The following FBXL16 variants were observed in gnomAD, a reference collection of about 807,000 sequenced individuals.
FBXL16 encodes F-box/LRR-repeat protein 16.
Under a neutral mutation model 36.7 loss-of-function variants are expected in FBXL16, and 7 were observed. The ratio of observed to expected loss-of-function variants is 0.19; its 90% CI spans 0.11 to 0.36. The LOEUF is 0.36. Ranked by LOEUF, FBXL16 falls within the 10% of genes least tolerant of loss-of-function variation. The pLI, the probability that FBXL16 is intolerant of heterozygous loss-of-function variation, is 1.00. For missense variants in FBXL16, 463 were observed against 659.4 expected (o/e 0.70, Z 3.26); for synonymous variants, 355 against 308.7 (o/e 1.15, Z -1.57).
chr16:695,867 G>A lies in FBXL16; in HGVS notation c.690C>T (p.Asp230=). ...TGGACCACAGCCCGGCCTCGGTGAA[G>A]TCGTTGCAGCCCGACAGCTCCAGAC... ...VVRLELSGCN[D]FTEAGLWSSL... is the part of the protein sequence containing the mutation. Residue 230 remains aspartate, a synonymous_variant, in exon 3 of 6, where the codon GAC becomes GAT. Coordinates refer to ENST00000397621, the MANE Select transcript of FBXL16 (RefSeq NM_153350.4). The A allele has an allele frequency of 1.2e-6, 2 of 1,603,084 alleles. No homozygotes were observed. Among genetic ancestry groups the A allele is most frequent in the South Asian group, 2.2e-5 (2 of 90,830 alleles).
chr16:703,636 G>A (rs549852435), intron 1 of FBXL16, among the ~76,000 whole-genome samples: 8 of 152,352 alleles, frequency 5.3e-5, no homozygotes, highest in Admixed American at 1.3e-4. Context: ...CACTTGGCAC[G>A]TGGCACAGCG....
Position 696,775 on chromosome 16 carries a change from CG to C in FBXL16, c.630del (p.Glu211ArgfsTer30). 1 of 1,350,606 alleles carries C rather than the reference CG, an allele frequency of 7.4e-7. No individual in the cohort carries two copies. Among genetic ancestry groups the C allele is most frequent in the Non-Finnish European group, 9.7e-7 (1 of 1,031,928 alleles). 83.7% of individuals were successfully genotyped at this position (1,350,606 alleles called of 1,614,324 possible). A position where few individuals can be genotyped will look rare whatever the true frequency, so the allele number is the denominator to read the frequency against. ...TCCCCCCCGAGCCTGGTGCACACCT[CG>C]AGGCCTGCGTCCGTGATGGTGGAGC... Reference protein sequence around the residue: ...LKRSTITDAGLEVMLEQMQGV... With the variant: ...LKRSTITDAGXEVMLEQMQGV... On this transcript the variant is annotated frameshift_variant, in exon 2 of 6. Coordinates refer to ENST00000397621, the MANE Select transcript of FBXL16 (RefSeq NM_153350.4). LOFTEE classifies it high-confidence loss of function.
chr16:697,097 A>G lies in FBXL16; in HGVS notation c.309T>C (p.Asn103=), dbSNP rs937734302. The G allele has an allele frequency of 1.9e-6, 3 of 1,608,130 alleles. No individual in the cohort carries two copies. Among genetic ancestry groups the G allele is most frequent in the Middle Eastern group, 1.7e-4 (1 of 6,044 alleles). ...PPLATDEKIL[N]GLFWYFSACE... is the part of the protein sequence containing the mutation. ...AGGCCGAGAAATACCAGAAGAGCCC[A>G]TTGAGGATCTTCTCGTCCGTGGCCA... The change falls in exon 2 of 6, where the codon AAT becomes AAC. Residue 103 remains asparagine, a synonymous_variant. Coordinates refer to ENST00000397621, the MANE Select transcript of FBXL16 (RefSeq NM_153350.4). The surrounding 1 kb of genome is among the most constrained non-coding windows in gnomAD (Gnocchi z 4.6).
chr16:701,129 C>T (rs776616909), intron 1 of FBXL16, among the ~76,000 whole-genome samples: 20 of 152,224 alleles, frequency 1.3e-4, no homozygotes, highest in Non-Finnish European at 2.5e-4. Context: ...CCGGCGCCCA[C>T]AGTCCCGTCC....
At chr16:696,066 GC>G in intron 2 of FBXL16, 143 bp from the exon 3 acceptor site, 1 of 1,265,054 alleles carries the variant, frequency 7.9e-7, no homozygotes, top group Non-Finnish European at 1.1e-6. Flanking sequence ...CGGGACGAGA[GC>G]CCAGGGCCTG....
chr16:694,788 C>G (rs975413366), intron 4 of FBXL16, 91 bp from the exon 5 acceptor site: 2 of 1,415,042 alleles, frequency 1.4e-6, no homozygotes, highest in Admixed American at 4.0e-5. Flanking sequence ...CGGGTTCAAG[C>G]CCGGGGTTCC....
chr16:697,510 T>C lies in FBXL16; in HGVS notation c.-14-91A>G, dbSNP rs2040023454. 7.0e-7 allele frequency: 1 copy of C among 1,430,586 alleles called. No individual in the cohort carries two copies. Among genetic ancestry groups the C allele is most frequent in the Non-Finnish European group, 9.2e-7 (1 of 1,086,726 alleles). The allele number at this position is 1,430,586 out of a possible 1,614,324, so 88.6% of individuals were successfully genotyped here. A position where few individuals can be genotyped will look rare whatever the true frequency, so the allele number is the denominator to read the frequency against. ...GGGTGCAGTGGGGCTCCTTCCCTCC[T>C]TGGGCGTCCCTATGGTGCTCCCAGA... On this transcript the variant is annotated intron_variant, in intron 1 of 5. Transcript: ENST00000397621. The surrounding 1 kb of genome is among the most constrained non-coding windows in gnomAD (Gnocchi z 4.6).
intron 1 of FBXL16, among the ~76,000 whole-genome samples, chr16:701,471 G>A (rs1158602797): frequency 1.3e-5 from 2 of 152,210 alleles, no homozygotes; most frequent in African/African-American, 4.8e-5. Flanking sequence ...AATGCAAACA[G>A]CCACACACTT....
At chr16:704,528 A>C (rs1462886292) in intron 1 of FBXL16, among the ~76,000 whole-genome samples, 2 of 152,198 alleles carry the variant, frequency 1.3e-5, no homozygotes, top group African/African-American at 4.8e-5. Context: ...GCCAGGTTCC[A>C]CTAGGCCTCT....
rs1381836812 is a variant in FBXL16, at chr16:694,200, G to A, written c.*75C>T. 39 of 1,096,276 alleles carry A rather than the reference G, an allele frequency of 3.6e-5. No homozygotes were observed. The highest frequency in any genetic ancestry group is 4.4e-5 in the Non-Finnish European group (38 of 856,894). 67.9% of individuals were successfully genotyped at this position (1,096,276 alleles called of 1,614,324 possible). A position where few individuals can be genotyped will look rare whatever the true frequency, so the allele number is the denominator to read the frequency against. ...GGCTCCCCCGAGCGCAAGGCGGGAA[G>A]AGGGGGCTCGGCGGCGCCCCGCGCC... On this transcript the variant is annotated 3_prime_UTR_variant, in exon 6 of 6. Transcript: ENST00000397621.
chr16:702,469 GGACA>G (rs1256211643), intron 1 of FBXL16, among the ~76,000 whole-genome samples: 1 of 152,168 alleles, frequency 6.6e-6, no homozygotes, highest in East Asian at 1.9e-4. Context: ...GGACTCTTGA[GGACA>G]GACAGCACCA....
chr16:697,722 C>T lies in FBXL16; in HGVS notation c.-14-303G>A, dbSNP rs1448238562. ...TTTCTTTTTGAAACAGAGTTCCGGC[C>T]GGGCGCGGTGGCTCATGCCTGTAAT... On this transcript the variant is annotated intron_variant, in intron 1 of 5. Coordinates refer to ENST00000397621, the MANE Select transcript of FBXL16 (RefSeq NM_153350.4). This position sits in a 1 kb window ranked among gnomAD's most constrained non-coding sequence, Gnocchi z 4.6. Among the ~76,000 whole-genome samples the T allele has an allele frequency of 1.3e-5, 2 of 152,054 alleles. No individual in the cohort carries two copies. Among genetic ancestry groups the T allele is most frequent in the African/African-American group, 2.4e-5 (1 of 41,382 alleles).
rs752638941 is a variant in FBXL16 at position 695,254 on chromosome 16, C to T, written c.1142+161G>A. 8.0e-5 allele frequency: 93 copies of T among 1,159,294 alleles called. No homozygotes were observed. The African/African-American group carries it at 1.1e-3, about 14-fold the overall frequency. The allele number at this position is 1,159,294 out of a possible 1,614,324, so 71.8% of individuals were successfully genotyped here. ...GGTCCAGCCAACCCGTGCTGCGGTT[C>T]TGCGGTTCCCACTCCCCAGGCTCCG... On this transcript the variant is annotated intron_variant, in intron 3 of 5. Transcript: ENST00000397621.
Position 693,165 on chromosome 16 carries a change from G to A in FBXL16, c.*1110C>T, listed in dbSNP as rs2039983637. ...GGCAGACAGAAGTTTGGGAAGCTGG[G>A]GAGGGGTGAAGTGGGGGTGGGGGGG... On this transcript the variant is annotated 3_prime_UTR_variant, in exon 6 of 6. Coordinates refer to ENST00000397621, the MANE Select transcript of FBXL16 (RefSeq NM_153350.4). The A allele has an allele frequency of 6.6e-6, 1 of 152,128 alleles. No homozygotes were observed. The highest frequency in any genetic ancestry group is 2.1e-4 in the South Asian group (1 of 4,814). The allele number at this position is 152,128 out of a possible 1,614,324, so 9.4% of individuals were successfully genotyped here. A position where few individuals can be genotyped will look rare whatever the true frequency, so the allele number is the denominator to read the frequency against.
chr16:697,070 G>A lies in FBXL16; in HGVS notation c.336C>T (p.Cys112=), dbSNP rs750423960. The A allele has an allele frequency of 2.0e-5, 32 of 1,605,052 alleles. No individual in the cohort carries two copies. Among genetic ancestry groups the A allele is most frequent in the Non-Finnish European group, 2.4e-5 (28 of 1,175,986 alleles). Reference sequence around the variant, plus strand: ...ACACCTGGGCCAGCACACACTTCTCGCAGGCCGAGAAATACCAGAAGAGCC... The same window carrying A: ...ACACCTGGGCCAGCACACACTTCTCACAGGCCGAGAAATACCAGAAGAGCC... ...LNGLFWYFSA[C]EKCVLAQVCK... Residue 112 remains cysteine (C), a synonymous_variant, in exon 2 of 6, where the codon TGC becomes TGT. Transcript: ENST00000397621. This position sits in a 1 kb window ranked among gnomAD's most constrained non-coding sequence, Gnocchi z 4.6.
At position 693,945 on chromosome 16, in the gene FBXL16, G is replaced by T; in HGVS notation, c.*330C>A. 1 of 166,200 alleles carries T rather than the reference G, an allele frequency of 6.0e-6. No individual in the cohort carries two copies. Among genetic ancestry groups the T allele is most frequent in the South Asian group, 1.7e-4 (1 of 5,808 alleles). 10.3% of individuals were successfully genotyped at this position (166,200 alleles called of 1,614,324 possible). ...AGGACCGAGCCCCGCCCCCCAAGCG[G>T]GAGGGCGAGCGAGTGATGGCGGCGG... On this transcript the variant is annotated 3_prime_UTR_variant, in exon 6 of 6. Coordinates refer to ENST00000397621, the MANE Select transcript of FBXL16 (RefSeq NM_153350.4).
chr16:694,452 G>C (rs774734711), intron 5 of FBXL16, 29 bp from the exon 6 acceptor site: 32 of 1,527,680 alleles, frequency 2.1e-5, no homozygotes, highest in Non-Finnish European at 2.5e-5. Flanking sequence ...GCGGCTCAGT[G>C]CGCGCGGCCC....
chr16:694,850 C>T (rs1295712565), intron 4 of FBXL16, 142 bp downstream of exon 4: 4 of 1,241,764 alleles, frequency 3.2e-6, no homozygotes, highest in Non-Finnish European at 4.5e-6. Flanking sequence ...TGGGGGCCGC[C>T]GGGACCCCTG....
In FBXL16 at chr16:694,032, C is replaced by T. The variant is rs973445163; in HGVS notation, c.*243G>A. ...CGGGCACGAGGGGCATGCACAAAGTCCCCGAGTGTGCGTGCGTGCGTGGGG... is the reference window on the plus strand; with the variant it reads ...CGGGCACGAGGGGCATGCACAAAGTTCCCGAGTGTGCGTGCGTGCGTGGGG... On this transcript the variant is annotated 3_prime_UTR_variant, in exon 6 of 6. Transcript: ENST00000397621. The T allele has an allele frequency of 9.7e-6, 2 of 207,106 alleles. No homozygotes were observed. Among genetic ancestry groups the T allele is most frequent in the Non-Finnish European group, 1.9e-5 (2 of 103,832 alleles). 12.8% of individuals were successfully genotyped at this position (207,106 alleles called of 1,614,324 possible).
Sources: gnomAD v4.1 joint callset for allele counts (sites outside exome capture counted in the v4.1 genomes callset) on GRCh38, gnomAD v4.1.1 for gene constraint, Gnocchi (gnomAD v3.1) non-coding constraint, MANE v1.5 for transcripts, NCBI Gene and HGNC (gene_info 2026-07-23, HGNC 2026-07-21) for gene names.